MEIKIN: variants seen among roughly 807,000 people sequenced by gnomAD.
MEIKIN encodes meiotic kinetochore factor.
chr5:131,828,889 T>C (rs751542820), intron 11 of MEIKIN, among the ~76,000 whole-genome samples: 10 of 152,174 alleles, frequency 6.6e-5, no homozygotes, highest in Non-Finnish European at 1.0e-4. Context: ...AAAGTCATAA[T>C]GCAATTTAAA....
At chr5:131,874,464 A>G (rs1236651113) in intron 9 of MEIKIN, among the ~76,000 whole-genome samples, 2 of 152,268 alleles carry the variant, frequency 1.3e-5, no homozygotes, top group African/African-American at 4.8e-5. Flanking sequence ...TGAATCTCTG[A>G]ATAGACGAAT....
intron 11 of MEIKIN, among the ~76,000 whole-genome samples, chr5:131,845,272 T>TAAAAAAAAAAAAAAAAAAAAAAAAAA (rs1158220526): frequency 8.8e-5 from 4 of 45,350 alleles, no homozygotes; most frequent in African/African-American, 5.6e-4. Context: ...GACTTCGTCT[T>TAAAAAAAAAAAAAAAAAAAAAAAAAA]AAAAAAAAAA....
intron 9 of MEIKIN, among the ~76,000 whole-genome samples, chr5:131,859,693 G>C (rs1016864642): frequency 7.2e-5 from 11 of 152,078 alleles, no homozygotes; most frequent in African/African-American, 2.7e-4. Flanking sequence ...CCCAGTCTTA[G>C]GTATTTTTTT....
intron 5 of MEIKIN, among the ~76,000 whole-genome samples, chr5:131,924,804 T>C (rs1751562747): frequency 6.6e-6 from 1 of 152,178 alleles, no homozygotes; most frequent in Non-Finnish European, 1.5e-5. Flanking sequence ...CTCTGTTGAT[T>C]GTTTCTTTTG....
chr5:131,861,397 A>T (rs771033107), intron 9 of MEIKIN, among the ~76,000 whole-genome samples: 1 of 152,082 alleles, frequency 6.6e-6, no homozygotes, highest in Non-Finnish European at 1.5e-5. Flanking sequence ...TCAAAAAAAA[A>T]AGAATAATGT....
intron 4 of MEIKIN, among the ~76,000 whole-genome samples, chr5:131,938,398 G>C (rs1751817576): frequency 6.6e-6 from 1 of 151,898 alleles, no homozygotes; most frequent in African/African-American, 2.4e-5. Context: ...GATCTCCTAG[G>C]CTCAGGCAAT....
chr5:131,836,818 G>A (rs1749817505), intron 11 of MEIKIN, among the ~76,000 whole-genome samples: 1 of 151,660 alleles, frequency 6.6e-6, no homozygotes, highest in Admixed American at 6.6e-5. Context: ...GCATAGTTTG[G>A]GAAGATTGTC....
intron 11 of MEIKIN, among the ~76,000 whole-genome samples, chr5:131,840,298 T>G (rs1188288063): frequency 6.6e-6 from 1 of 152,216 alleles, no homozygotes; most frequent in Non-Finnish European, 1.5e-5. Context: ...TAACCTTTTT[T>G]CTTTCATTTC....
At chr5:131,891,353 A>C (rs2149634241) in intron 8 of MEIKIN, among the ~76,000 whole-genome samples, 1 of 152,272 alleles carries the variant, frequency 6.6e-6, no homozygotes, top group East Asian at 1.9e-4. Flanking sequence ...TGGGAATCTA[A>C]GTCTCTTTGT....
chr5:131,895,615 G>T (rs1751026340), intron 8 of MEIKIN, among the ~76,000 whole-genome samples: 2 of 152,100 alleles, frequency 1.3e-5, no homozygotes, highest in Admixed American at 1.3e-4. Context: ...GTTTAGTCTT[G>T]GGAGGGTGTA....
chr5:131,896,842 C>T (rs1751061571), intron 8 of MEIKIN, among the ~76,000 whole-genome samples: 1 of 152,144 alleles, frequency 6.6e-6, no homozygotes, highest in Admixed American at 6.5e-5. Flanking sequence ...TCCAATTTGC[C>T]AATCTGTGTC....
intron 9 of MEIKIN, among the ~76,000 whole-genome samples, chr5:131,877,503 TGTGGCA>T (rs1179152882): frequency 1.3e-5 from 2 of 152,058 alleles, no homozygotes; most frequent in African/African-American, 4.8e-5. Flanking sequence ...ATTAGCCATT[TGTGGCA>T]GTGTGTGCCT....
At chr5:131,848,081 T>C (rs1482455401) in intron 11 of MEIKIN, among the ~76,000 whole-genome samples, 1 of 151,848 alleles carries the variant, frequency 6.6e-6, no homozygotes, top group Non-Finnish European at 1.5e-5. Context: ...AAACAAGAAA[T>C]GTCTCAAATC....
intron 9 of MEIKIN, 125 bp from the exon 10 acceptor site, chr5:131,854,959 T>C (rs1750170251): frequency 5.2e-6 from 2 of 382,222 alleles, no homozygotes; most frequent in East Asian, 3.7e-5. Context: ...AAATCCTTAA[T>C]CTGTTCATTA....
intron 6 of MEIKIN, among the ~76,000 whole-genome samples, chr5:131,919,799 G>T (rs891563426): frequency 2.0e-5 from 3 of 152,120 alleles, no homozygotes; most frequent in African/African-American, 7.2e-5. Flanking sequence ...AAGAAGAGAA[G>T]AATGGTAGCT....
At chr5:131,807,624 C>T (rs1048260276) in intron 12 of MEIKIN, among the ~76,000 whole-genome samples, 4 of 152,188 alleles carry the variant, frequency 2.6e-5, no homozygotes, top group South Asian at 2.1e-4. Context: ...AGCCACCACC[C>T]AGGAAGTCGC....
chr5:131,860,412 C>T (rs1417921270), intron 9 of MEIKIN, among the ~76,000 whole-genome samples: 1 of 148,568 alleles, frequency 6.7e-6, no homozygotes, highest in African/African-American at 2.5e-5. Context: ...CCTGCGGCTT[C>T]ACTGAATTTG....
chr5:131,907,382 G>C (rs941957882), intron 8 of MEIKIN, among the ~76,000 whole-genome samples: 2 of 151,380 alleles, frequency 1.3e-5, no homozygotes, highest in Non-Finnish European at 2.9e-5. Context: ...ACAAAAAATT[G>C]GTTTCTTGTA....
intron 8 of MEIKIN, among the ~76,000 whole-genome samples, chr5:131,909,459 A>T (rs1036151293): frequency 7.2e-5 from 11 of 152,302 alleles, no homozygotes; most frequent in African/African-American, 2.6e-4. Context: ...AGACTATGAA[A>T]CTACTACAAG....
Sources: allele counts gnomAD v4.1 joint callset (sites outside exome capture counted in the v4.1 genomes callset), GRCh38; gene constraint gnomAD v4.1.1; transcripts MANE v1.5; gene names NCBI Gene and HGNC (gene_info 2026-07-23, HGNC 2026-07-21).